MLLT1: variants seen among roughly 807,000 people sequenced by gnomAD.
The protein encoded by MLLT1 is MLLT1 super elongation complex subunit, also known as protein ENL.
MLLT1 carries 11 observed loss-of-function variants against 55.1 expected under a neutral mutation model. The observed-to-expected ratio is 0.20, with a 90% CI of 0.13 to 0.33. The LOEUF (loss-of-function observed/expected upper bound fraction) is 0.33. Ranked by LOEUF, MLLT1 falls within the 10% of genes least tolerant of loss-of-function variation. MLLT1 has a pLI of 1.00. For missense variants in MLLT1, 536 were observed against 760.6 expected (o/e 0.70, Z 3.47); for synonymous variants, 323 against 320.1 (o/e 1.01, Z -0.10).
At chr19:6,221,060 T>G (rs1600174387) in intron 6 of MLLT1, among the ~76,000 whole-genome samples, 2 of 152,284 alleles carry the variant, frequency 1.3e-5, no homozygotes, top group South Asian at 2.1e-4. Flanking sequence ...ACCACCTCCA[T>G]GAGGGCCCTG....
chr19:6,239,512 A>G (rs2091095355), intron 3 of MLLT1, among the ~76,000 whole-genome samples: 1 of 152,170 alleles, frequency 6.6e-6, no homozygotes, highest in African/African-American at 2.4e-5. Flanking sequence ...GGGAGTTCAG[A>G]GGTGTGAGTC....
rs906263955 is a variant in MLLT1 at position 6,212,432 on chromosome 19, C to T, written c.*610G>A. 1.1e-5 allele frequency: 12 copies of T among 1,066,286 alleles called. No individual in the cohort carries two copies. Among genetic ancestry groups the T allele is most frequent in the Admixed American group, 5.3e-5 (1 of 18,770 alleles). The allele number at this position is 1,066,286 out of a possible 1,614,324, so 66.1% of individuals were successfully genotyped here. On this transcript the variant is annotated 3_prime_UTR_variant, in exon 12 of 12. Coordinates refer to ENST00000252674, the MANE Select transcript of MLLT1 (RefSeq NM_005934.4). ...GCACCCCCCACCCACCCCACGTGCACTGCTGCCACAGAAACGCACATGGAC... is the reference window on the plus strand; with the variant it reads ...GCACCCCCCACCCACCCCACGTGCATTGCTGCCACAGAAACGCACATGGAC...
At position 6,227,132 on chromosome 19, in the gene MLLT1, G is replaced by A. The variant is rs776316167; in HGVS notation, c.421-30C>T. ...TGACAGAGAAGAGACAGTCATTATC[G>A]ATGGGCAGGGGGCAGGGGGCCCACA... On this transcript the variant is annotated intron_variant, in intron 4 of 11. Coordinates refer to ENST00000252674, the MANE Select transcript of MLLT1 (RefSeq NM_005934.4). This position sits in a 1 kb window ranked among gnomAD's most constrained non-coding sequence, Gnocchi z 5.1. 3.6e-5 allele frequency: 57 copies of A among 1,580,298 alleles called. No homozygotes were observed. The highest frequency in any genetic ancestry group is 4.6e-5 in the Non-Finnish European group (54 of 1,166,368).
At chr19:6,255,532 A>G (rs910805407) in intron 3 of MLLT1, among the ~76,000 whole-genome samples, 5 of 152,202 alleles carry the variant, frequency 3.3e-5, no homozygotes, top group African/African-American at 1.2e-4. Flanking sequence ...AAATTTAAGC[A>G]CACAGGTAAA....
At chr19:6,271,557 A>G (rs976712186) in intron 1 of MLLT1, among the ~76,000 whole-genome samples, 7 of 152,350 alleles carry the variant, frequency 4.6e-5, no homozygotes, top group Middle Eastern at 3.4e-3. Flanking sequence ...GGCCAGTTCC[A>G]TGCCACTGAA....
intron 1 of MLLT1, among the ~76,000 whole-genome samples, chr19:6,275,121 G>A (rs986479135): frequency 6.6e-6 from 1 of 152,256 alleles, no homozygotes; most frequent in Non-Finnish European, 1.5e-5. Flanking sequence ...AAGCCCTGAA[G>A]GCAGGTCTTC....
intron 3 of MLLT1, among the ~76,000 whole-genome samples, chr19:6,245,863 C>A (rs1365941554): frequency 6.6e-6 from 1 of 152,114 alleles, no homozygotes; most frequent in Non-Finnish European, 1.5e-5. Flanking sequence ...CACCACTGCA[C>A]CCCATCCAGC....
In MLLT1 at chr19:6,240,552, C is replaced by T. The variant is rs528857187; in HGVS notation, c.277-9839G>A. On this transcript the variant is annotated intron_variant, in intron 3 of 11. Coordinates refer to ENST00000252674, the MANE Select transcript of MLLT1 (RefSeq NM_005934.4). This position sits in a 1 kb window ranked among gnomAD's most constrained non-coding sequence, Gnocchi z 4.7. ...ATACAGGCACTCAAGTGCTACTCCT[C>T]ATCACACGCTGGCCCAGAGACCCCC... Among the ~76,000 whole-genome samples, 17 of 152,304 alleles carry T rather than the reference C, an allele frequency of 1.1e-4. No individual in the cohort carries two copies. In the East Asian group the frequency reaches 3.1e-3, roughly 28 times the overall value.
At chr19:6,255,906 C>T (rs536279119) in intron 3 of MLLT1, among the ~76,000 whole-genome samples, 2 of 152,216 alleles carry the variant, frequency 1.3e-5, no homozygotes, top group African/African-American at 2.4e-5. Flanking sequence ...GCGAAAGGAT[C>T]GCTTAAGGCC....
chr19:6,258,363 T>C (rs2091276067), intron 3 of MLLT1, among the ~76,000 whole-genome samples: 1 of 152,178 alleles, frequency 6.6e-6, no homozygotes. Flanking sequence ...CCCAAACTGA[T>C]ACTGTCAGCT....
chr19:6,224,680 C>T (rs1468564094), intron 5 of MLLT1, among the ~76,000 whole-genome samples: 2 of 152,188 alleles, frequency 1.3e-5, no homozygotes, highest in African/African-American at 4.8e-5. Context: ...GCACAGGCAC[C>T]CGACACCACA....
chr19:6,244,043 CAAAAAAA>C (rs1179461309), intron 3 of MLLT1, among the ~76,000 whole-genome samples: 3 of 45,218 alleles, frequency 6.6e-5, no homozygotes, highest in East Asian at 7.3e-4. Context: ...GACTCCACCT[CAAAAAAA>C]AAAAAAAAAA....
intron 6 of MLLT1, among the ~76,000 whole-genome samples, chr19:6,220,492 A>T (rs1035834322): frequency 1.3e-5 from 2 of 152,232 alleles, no homozygotes; most frequent in Non-Finnish European, 2.9e-5. Flanking sequence ...CACTCTAAGC[A>T]GCGGCGTCCG....
chr19:6,216,798 A>C, intron 7 of MLLT1: 6 of 427,972 alleles, frequency 1.4e-5, no homozygotes, highest in African/African-American at 4.1e-5. Context: ...GGGCCCCTCC[A>C]TTGCTGCAGC....
In MLLT1 at chr19:6,252,136, G is replaced by A. The variant is rs188918070; in HGVS notation, c.276+10092C>T. Among the ~76,000 whole-genome samples, 280 of 152,258 alleles carry A rather than the reference G, an allele frequency of 1.8e-3. 1 individual carries two copies. The highest frequency in any genetic ancestry group is 4.1e-3 in the Admixed American group (62 of 15,286). On this transcript the variant is annotated intron_variant, in intron 3 of 11. Transcript: ENST00000252674. ...AGATGGGACAAAAAACAGAGAAATGGCCATCTGTCTCTAAAGGGACAAAAA... is the reference window on the plus strand; with the variant it reads ...AGATGGGACAAAAAACAGAGAAATGACCATCTGTCTCTAAAGGGACAAAAA...
chr19:6,257,481 C>G (rs1015208033), intron 3 of MLLT1, among the ~76,000 whole-genome samples: 1 of 150,608 alleles, frequency 6.6e-6, no homozygotes, highest in Non-Finnish European at 1.5e-5. Context: ...TATAACACAA[C>G]AACAAAAACA....
Position 6,230,976 on chromosome 19 carries a change from GA to G in MLLT1, c.277-264del, listed in dbSNP as rs756447714. 6.6e-6 allele frequency among the ~76,000 whole-genome samples: 1 copy of G among 152,216 alleles called. No homozygotes were observed. The highest frequency in any genetic ancestry group is 2.4e-5 in the African/African-American group (1 of 41,454). On this transcript the variant is annotated intron_variant, in intron 3 of 11. Transcript: ENST00000252674. The surrounding 1 kb of genome is among the most constrained non-coding windows in gnomAD (Gnocchi z 9.0). ...TAGCCATGCTCTCGGACTGTTATGG[GA>G]AACATGTACCCCCTTCAACCCTCAC... is the stretch of plus-strand genomic sequence containing the variant.
chr19:6,236,526 C>G (rs111946663), intron 3 of MLLT1, among the ~76,000 whole-genome samples: 1 of 152,106 alleles, frequency 6.6e-6, no homozygotes, highest in Non-Finnish European at 1.5e-5. Flanking sequence ...GGGGCAGCAC[C>G]GAAAAGCAAG....
intron 3 of MLLT1, among the ~76,000 whole-genome samples, chr19:6,242,692 G>C (rs1265372263): frequency 6.6e-6 from 1 of 152,146 alleles, no homozygotes; most frequent in African/African-American, 2.4e-5. Flanking sequence ...GGAATCTGGC[G>C]TCAGGGGCAG....
Sources: allele counts gnomAD v4.1 joint callset (sites outside exome capture counted in the v4.1 genomes callset), GRCh38; gene constraint gnomAD v4.1.1; non-coding constraint Gnocchi (gnomAD v3.1); transcripts MANE v1.5; gene names NCBI Gene and HGNC (gene_info 2026-07-23, HGNC 2026-07-21).